EBF3: variants seen among roughly 807,000 people sequenced by gnomAD.
EBF3 encodes the protein EBF transcription factor 3.
EBF3 carries 18 observed loss-of-function variants against 77.1 expected under a neutral mutation model. The ratio of observed to expected loss-of-function variants is 0.23; its 90% CI spans 0.16 to 0.35. The LOEUF (loss-of-function observed/expected upper bound fraction) is 0.35, where lower values mean the gene tolerates loss of function less well. Among genes scored for constraint, EBF3 ranks in the 10% least tolerant of loss-of-function variants. The pLI is 1.00. For synonymous variants in EBF3, 350 were observed against 343.5 expected, an observed-to-expected ratio of 1.02 and a Z score of -0.21; for missense variants, 558 against 860.0, an observed-to-expected ratio of 0.65 and a Z score of 4.39.
At chr10:129,915,075 G>A (rs1317905437) in intron 6 of EBF3, among the ~76,000 whole-genome samples, 1 of 152,182 alleles carries the variant, frequency 6.6e-6, no homozygotes, top group African/African-American at 2.4e-5. Context: ...TGTGTGAAGA[G>A]GTCAAGGATG....
chr10:129,836,378 TTTTACA>T lies in EBF3; in HGVS notation c.*1559_*1564del, dbSNP rs565610273. 9.8e-5 allele frequency: 15 copies of T among 152,416 alleles called. No individual in the cohort carries two copies. The highest frequency in any genetic ancestry group is 1.8e-4 in the Non-Finnish European group (12 of 67,984). The allele number at this position is 152,416 out of a possible 1,614,324, so 9.4% of individuals were successfully genotyped here. A position where few individuals can be genotyped will look rare whatever the true frequency, so the allele number is the denominator to read the frequency against. ...TCAATGGGTGGCATCTAAAATGACT[TTTTACA>T]TTCTACAAAAAAATAAAATAAAATA... is the stretch of plus-strand genomic sequence containing the variant. On this transcript the variant is annotated 3_prime_UTR_variant, in exon 17 of 17. Transcript: ENST00000440978.
chr10:129,925,591 C>CAAA (rs11368338), intron 6 of EBF3, among the ~76,000 whole-genome samples: 5 of 114,576 alleles, frequency 4.4e-5, no homozygotes, highest in African/African-American at 3.3e-5. Flanking sequence ...GACTCCATCT[C>CAAA]AAAAAAAAAA....
intron 6 of EBF3, among the ~76,000 whole-genome samples, chr10:129,918,431 G>A (rs1051628289): frequency 6.6e-6 from 1 of 152,198 alleles, no homozygotes; most frequent in Non-Finnish European, 1.5e-5. Flanking sequence ...AAAAAAATTA[G>A]ATCTGGAGGA....
At position 129,867,910 on chromosome 10, in the gene EBF3, T is replaced by C. The variant is rs775794003; in HGVS notation, c.784A>G (p.Thr262Ala). Residue 262 changes from threonine to alanine, a missense_variant and splice_region_variant, in exon 9 of 17, where the codon ACT becomes GCT. Thr to Ala is a moderately conservative substitution (Grantham distance 58). Around this residue, in one of 5 missense-constraint regions of EBF3, gnomAD observed 112 missense variants for 207.7 expected, o/e 0.54. Coordinates refer to ENST00000440978, the MANE Select transcript of EBF3 (RefSeq NM_001375380.1). ...GGACTGATGGCCTTGATGCACGGAG[T>C]GGCTGCTCACACAAGACAGAGAAGG... is the stretch of plus-strand genomic sequence containing the variant. ...GTAPSYLENA[T>A]PCIKAISPSE... 6.2e-7 allele frequency: 1 copy of C among 1,613,950 alleles called. No homozygotes were observed. The highest frequency in any genetic ancestry group is 2.2e-5 in the East Asian group (1 of 44,858).
chr10:129,925,272 G>A (rs917386664), intron 6 of EBF3, among the ~76,000 whole-genome samples: 1 of 151,298 alleles, frequency 6.6e-6, no homozygotes, highest in Non-Finnish European at 1.5e-5. Flanking sequence ...GGTGCAAGGA[G>A]AATGGGGTGG....
chr10:129,867,373 T>A, intron 9 of EBF3, 106 bp from the exon 10 acceptor site: 1 of 1,516,642 alleles, frequency 6.6e-7, no homozygotes, highest in Non-Finnish European at 8.9e-7. Context: ...TGGACCATCG[T>A]CTTGGAATGC....
At chr10:129,881,931 T>C (rs1053888693) in intron 6 of EBF3, among the ~76,000 whole-genome samples, 15 of 152,196 alleles carry the variant, frequency 9.9e-5, no homozygotes, top group Non-Finnish European at 1.9e-4. Flanking sequence ...TTGTGTTTGT[T>C]TCAGAGTCCC....
intron 6 of EBF3, among the ~76,000 whole-genome samples, chr10:129,932,873 C>CTTCAACCATTTCT (rs1421538928): frequency 6.7e-6 from 1 of 150,016 alleles, no homozygotes; most frequent in African/African-American, 2.5e-5. Flanking sequence ...GGCAAACAAA[C>CTTCAACCATTTCT]TTCAACCATT....
chr10:129,887,065 G>T (rs1455467995), intron 6 of EBF3, among the ~76,000 whole-genome samples: 2 of 107,224 alleles, frequency 1.9e-5, no homozygotes, highest in African/African-American at 3.3e-5. Context: ...GGGGGGGGGG[G>T]GGAGGTGAAT....
In EBF3 at chr10:129,938,734, T is replaced by C. The variant is rs978376616; in HGVS notation, c.554+18524A>G. Among the ~76,000 whole-genome samples, 4 of 152,154 alleles carry C rather than the reference T, an allele frequency of 2.6e-5. No homozygotes were observed. Among genetic ancestry groups the C allele is most frequent in the Admixed American group, 2.6e-4 (4 of 15,274 alleles). The stretch of plus-strand genomic sequence containing the variant: ...CTGCCTTGTGTCCTGGGACCTGGCC[T>C]GTGCTCCAAGCAAGTCAAGGCCATT... On this transcript the variant is annotated intron_variant, in intron 6 of 16. Coordinates refer to ENST00000440978, the MANE Select transcript of EBF3 (RefSeq NM_001375380.1). The surrounding 1 kb of genome is among the most constrained non-coding windows in gnomAD (Gnocchi z 5.1).
At chr10:129,858,474 G>A (rs1851406491) in intron 10 of EBF3, among the ~76,000 whole-genome samples, 1 of 152,162 alleles carries the variant, frequency 6.6e-6, no homozygotes, top group Non-Finnish European at 1.5e-5. Context: ...AAGCTTGGGT[G>A]GGATGTTTCT....
chr10:129,875,330 G>A (rs1412458338), intron 7 of EBF3, among the ~76,000 whole-genome samples: 1 of 151,538 alleles, frequency 6.6e-6, no homozygotes, highest in African/African-American at 2.4e-5. Context: ...CCTAGTAGCT[G>A]GGATTACAAG....
chr10:129,901,190 G>C (rs1189090311), intron 6 of EBF3, among the ~76,000 whole-genome samples: 1 of 152,202 alleles, frequency 6.6e-6, no homozygotes, highest in Non-Finnish European at 1.5e-5. Flanking sequence ...GAAGAAGCCA[G>C]AGGCTGCCAG....
intron 6 of EBF3, among the ~76,000 whole-genome samples, chr10:129,900,276 T>TA (rs1422705066): frequency 6.6e-6 from 1 of 152,210 alleles, no homozygotes; most frequent in Admixed American, 6.5e-5. Flanking sequence ...GTAAATGTGC[T>TA]AAAATCTGCT....
At chr10:129,856,118 A>G (rs1851235029) in intron 10 of EBF3, among the ~76,000 whole-genome samples, 1 of 152,268 alleles carries the variant, frequency 6.6e-6, no homozygotes, top group African/African-American at 2.4e-5. Flanking sequence ...CCAACAGGTC[A>G]CCCTCTGCCA....
In EBF3 at chr10:129,848,479, G is replaced by C. The variant is rs757383314; in HGVS notation, c.1041C>G (p.Ala347=). 95 of 1,614,152 alleles carry C rather than the reference G, an allele frequency of 5.9e-5. No homozygotes were observed. Among genetic ancestry groups the C allele is most frequent in the Non-Finnish European group, 7.9e-5 (93 of 1,180,016 alleles). Reference sequence around the variant, plus strand: ...CGTAATCTATGGTTGGTTCATTAAGGGCTGCAACAGGACACAGAAATGTAG... The same window carrying C: ...CGTAATCTATGGTTGGTTCATTAAGCGCTGCAACAGGACACAGAAATGTAG... ...KGAPGRFVYT[A]LNEPTIDYGF... The change falls in exon 11 of 17, where the codon GCC becomes GCG. Residue 347 remains alanine (A), a splice_region_variant and synonymous_variant. Coordinates refer to ENST00000440978, the MANE Select transcript of EBF3 (RefSeq NM_001375380.1). The surrounding 1 kb of genome is among the most constrained non-coding windows in gnomAD (Gnocchi z 4.4).
chr10:129,914,004 A>G (rs1855700268), intron 6 of EBF3, among the ~76,000 whole-genome samples: 1 of 152,260 alleles, frequency 6.6e-6, no homozygotes. Context: ...TGCAAGAGCA[A>G]GGCCTGGTGG....
At chr10:129,933,084 T>C (rs1381274577) in intron 6 of EBF3, among the ~76,000 whole-genome samples, 2 of 152,082 alleles carry the variant, frequency 1.3e-5, no homozygotes, top group Non-Finnish European at 2.9e-5. Context: ...GACAGGTGAT[T>C]AAAATCTCAT....
At position 129,848,614 on chromosome 10, in the gene EBF3, A is replaced by G; in HGVS notation, c.1040-134T>C. ...TCTAAGGCAAGCACCCCTGAATACT[A>G]GCTGTGTCTTAAGGAATAGATTTTC... On this transcript the variant is annotated intron_variant, in intron 10 of 16. Coordinates refer to ENST00000440978, the MANE Select transcript of EBF3 (RefSeq NM_001375380.1). The surrounding 1 kb of genome is among the most constrained non-coding windows in gnomAD (Gnocchi z 4.4). The G allele has an allele frequency of 1.2e-6, 1 of 869,384 alleles. No individual in the cohort carries two copies. The highest frequency in any genetic ancestry group is 1.9e-5 in the Admixed American group (1 of 52,424). The allele number at this position is 869,384 out of a possible 1,614,324, so 53.9% of individuals were successfully genotyped here.
Sources: allele counts gnomAD v4.1 joint callset (sites outside exome capture counted in the v4.1 genomes callset), GRCh38; gene constraint gnomAD v4.1.1; regional missense constraint gnomAD v4.1.1; non-coding constraint Gnocchi (gnomAD v3.1); transcripts MANE v1.5; gene names NCBI Gene and HGNC (gene_info 2026-07-23, HGNC 2026-07-21).